CACNA1A: variants seen among roughly 807,000 people sequenced by gnomAD.
The protein encoded by CACNA1A is calcium voltage-gated channel subunit alpha1 A.
CACNA1A carries 57 observed loss-of-function variants against 262.4 expected under a neutral mutation model. The observed-to-expected ratio is 0.22, with a 90% CI of 0.18 to 0.27. CACNA1A has a LOEUF of 0.27. CACNA1A is among the 10% of genes least tolerant of loss of function. The pLI, the probability that CACNA1A is intolerant of heterozygous loss-of-function variation, is 1.00. For synonymous variants in CACNA1A, 1,431 were observed against 1,419.3 expected, an observed-to-expected ratio of 1.01 and a Z score of -0.18; for missense variants, 2,526 against 3,562.8, an observed-to-expected ratio of 0.71 and a Z score of 7.41.
At chr19:13,318,105 A>C (rs67467753) in intron 10 of CACNA1A, among the ~76,000 whole-genome samples, 23,143 of 151,510 alleles carry the variant, frequency 0.15, 1,822 homozygotes, top group East Asian at 0.29. Flanking sequence ...CAACACAGCG[A>C]GACAAGTTCT....
intron 1 of CACNA1A, among the ~76,000 whole-genome samples, chr19:13,499,446 G>GT (rs1491394000): frequency 2.6e-5 from 3 of 116,734 alleles, no homozygotes; most frequent in Non-Finnish European, 5.1e-5. Context: ...GTCGCAGGGG[G>GT]TGGTGGGGGG....
intron 4 of CACNA1A, among the ~76,000 whole-genome samples, chr19:13,368,338 C>CTTTTT (rs796514314): frequency 7.1e-6 from 1 of 140,658 alleles, no homozygotes; most frequent in African/African-American, 2.6e-5. Context: ...CTATCATTGG[C>CTTTTT]TTTTTTTTTT....
chr19:13,281,165 G>A (rs959767417), intron 22 of CACNA1A, among the ~76,000 whole-genome samples: 3 of 151,824 alleles, frequency 2.0e-5, no homozygotes, highest in African/African-American at 7.3e-5. Flanking sequence ...AGGATTGCTT[G>A]AGGTCAAGAG....
chr19:13,375,779 C>A (rs1478360413), intron 3 of CACNA1A, among the ~76,000 whole-genome samples: 2 of 151,908 alleles, frequency 1.3e-5, no homozygotes, highest in South Asian at 4.1e-4. Context: ...CGGAGTGAGA[C>A]CCTGTCTCAA....
At chr19:13,503,669 A>G (rs1286345993) in intron 1 of CACNA1A, among the ~76,000 whole-genome samples, 1 of 128,836 alleles carries the variant, frequency 7.8e-6, no homozygotes, top group African/African-American at 2.9e-5. Flanking sequence ...TCCATCCAGG[A>G]CAGAGAAAGC....
chr19:13,368,464 G>A (rs1332488891), intron 4 of CACNA1A, among the ~76,000 whole-genome samples: 1 of 151,868 alleles, frequency 6.6e-6, no homozygotes, highest in East Asian at 1.9e-4. Flanking sequence ...TCCCGAGTAG[G>A]TGGGACTACA....
Position 13,277,099 on chromosome 19 carries a change from T to C in CACNA1A, c.3852A>G (p.Thr1284=). ...TCACCATCTCAAAGGTAAAGACGCC[T>C]GTAAAAACGTAGTCAAAGTATCGCA... ...NVLRYFDYVF[T]GVFTFEMVIK... Residue 1284 remains threonine, a synonymous_variant, in exon 23 of 47, where the codon ACA becomes ACG. Coordinates refer to ENST00000360228, the MANE Select transcript of CACNA1A (RefSeq NM_001127222.2). 2 of 1,612,316 alleles carry C rather than the reference T, an allele frequency of 1.2e-6. No homozygotes were observed. The highest frequency in any genetic ancestry group is 1.7e-6 in the Non-Finnish European group (2 of 1,178,468).
chr19:13,242,904 A>G (rs912991610), intron 31 of CACNA1A, among the ~76,000 whole-genome samples: 3 of 152,192 alleles, frequency 2.0e-5, no homozygotes, highest in African/African-American at 7.2e-5. Context: ...CTGTTTGGCT[A>G]CTGCAAGGGT....
intron 1 of CACNA1A, among the ~76,000 whole-genome samples, chr19:13,493,471 C>T (rs1357607021): frequency 2.0e-5 from 3 of 152,262 alleles, no homozygotes; most frequent in Non-Finnish European, 4.4e-5. Context: ...CGTCTCCAGA[C>T]ATTGCCAAAA....
chr19:13,383,824 A>G (rs2059562082), intron 3 of CACNA1A, among the ~76,000 whole-genome samples: 1 of 151,840 alleles, frequency 6.6e-6, no homozygotes, highest in South Asian at 2.1e-4. Context: ...TTGTTTATTT[A>G]TTTATTTTTA....
intron 1 of CACNA1A, among the ~76,000 whole-genome samples, chr19:13,483,601 A>G (rs2145093702): frequency 6.6e-6 from 1 of 152,248 alleles, no homozygotes; most frequent in Middle Eastern, 3.4e-3. Flanking sequence ...AGAGAGAAGA[A>G]TCTCTCTCTG....
intron 10 of CACNA1A, among the ~76,000 whole-genome samples, chr19:13,325,325 C>T (rs990747482): frequency 3.3e-5 from 5 of 152,090 alleles, no homozygotes; most frequent in Admixed American, 1.3e-4. Flanking sequence ...ATAGCGAGAC[C>T]GTGTCTCTAT....
rs1391437893 is a variant in CACNA1A, at chr19:13,214,516, C to T, written c.5824G>A (p.Val1942Ile). 2 of 1,613,364 alleles carry T rather than the reference C, an allele frequency of 1.2e-6. No homozygotes were observed. Among genetic ancestry groups the T allele is most frequent in the East Asian group, 2.2e-5 (1 of 44,896 alleles). Reference protein sequence around the residue: ...NLSQKTLDLLVTPHKSTDLTV... With the variant: ...NLSQKTLDLLITPHKSTDLTV... ...CAGCTCTTACACTTGTGAGGTGTGACCAGCAGGTCTAGCGTCTTCTGGGAC... is the reference window on the plus strand; with the variant it reads ...CAGCTCTTACACTTGTGAGGTGTGATCAGCAGGTCTAGCGTCTTCTGGGAC... Residue 1942 changes from valine to isoleucine, a missense_variant, in exon 39 of 47, where the codon GTC becomes ATC. Physicochemically the swap from Val to Ile is conservative, Grantham distance 29. Around this residue, in one of 17 missense-constraint regions of CACNA1A, gnomAD observed 112 missense variants for 197.2 expected, o/e 0.57. Transcript: ENST00000360228. This position sits in a 1 kb window ranked among gnomAD's most constrained non-coding sequence, Gnocchi z 4.1.
chr19:13,227,567 A>G (rs1223612535), intron 36 of CACNA1A, 40 bp from the exon 37 acceptor site: 8 of 1,286,644 alleles, frequency 6.2e-6, no homozygotes, highest in East Asian at 2.4e-5. Flanking sequence ...AACAAAAACA[A>G]AAAAACAAAA....
chr19:13,383,577 C>T (rs185333075), intron 3 of CACNA1A, among the ~76,000 whole-genome samples: 1 of 152,156 alleles, frequency 6.6e-6, no homozygotes, highest in East Asian at 1.9e-4. Flanking sequence ...CTGGCCACTC[C>T]GACTTCCTTT....
Position 13,209,350 on chromosome 19 carries a change from G to C in CACNA1A, c.6488C>G (p.Ser2163Cys), listed in dbSNP as rs927014998. ...GGTGTAGCGGCCCAGGGAGCGCTCA[G>C]AGGCGCGGTGGCTGCGGTCGCGGCG... is the stretch of plus-strand genomic sequence containing the variant. ...QRRRDRSHRA[S>C]ERSLGRYTDV... The change falls in exon 45 of 47, where the codon TCT becomes TGT. Residue 2163 changes from serine to cysteine, a missense_variant. By Grantham distance (112) the Ser-to-Cys change is moderately radical. Transcript: ENST00000360228. 1 of 1,389,758 alleles carries C rather than the reference G, an allele frequency of 7.2e-7. No individual in the cohort carries two copies. The highest frequency in any genetic ancestry group is 3.4e-5 in the Admixed American group (1 of 29,780). The allele number at this position is 1,389,758 out of a possible 1,614,324, so 86.1% of individuals were successfully genotyped here. A position where few individuals can be genotyped will look rare whatever the true frequency, so the allele number is the denominator to read the frequency against.
chr19:13,352,082 T>G lies in CACNA1A; in HGVS notation c.978+7524A>C, dbSNP rs144358260. 3.0e-4 allele frequency among the ~76,000 whole-genome samples: 45 copies of G among 152,302 alleles called. No homozygotes were observed. In the East Asian group the frequency reaches 8.5e-3, roughly 29 times the overall value. On this transcript the variant is annotated intron_variant, in intron 6 of 46. Transcript: ENST00000360228. ...TTCTCCTCCCTTTCTCCCTGCCTCCTGGTCTAGGAATGACCCGAGACCTTC... is the reference window on the plus strand; with the variant it reads ...TTCTCCTCCCTTTCTCCCTGCCTCCGGGTCTAGGAATGACCCGAGACCTTC...
intron 3 of CACNA1A, among the ~76,000 whole-genome samples, chr19:13,399,969 T>C (rs2059871548): frequency 6.6e-6 from 1 of 151,916 alleles, no homozygotes; most frequent in Admixed American, 6.6e-5. Flanking sequence ...TAATCAATCT[T>C]TCTGAGCCTC....
chr19:13,308,264 G>A lies in CACNA1A; in HGVS notation c.1782-13C>T. The A allele has an allele frequency of 6.2e-7, 1 of 1,608,938 alleles. No homozygotes were observed. On this transcript the variant is annotated splice_polypyrimidine_tract_variant and intron_variant, in intron 13 of 46. Coordinates refer to ENST00000360228, the MANE Select transcript of CACNA1A (RefSeq NM_001127222.2). The surrounding 1 kb of genome is among the most constrained non-coding windows in gnomAD (Gnocchi z 4.2). ...AGATGCCCAGTACCTGCCGACAGAG[G>A]CCAGGCGAGGACTCAGGCCAGGCGG...
Sources: gnomAD v4.1 joint callset for allele counts (sites outside exome capture counted in the v4.1 genomes callset) on GRCh38, gnomAD v4.1.1 for gene constraint, gnomAD v4.1.1 regional missense constraint, Gnocchi (gnomAD v3.1) non-coding constraint, MANE v1.5 for transcripts, NCBI Gene and HGNC (gene_info 2026-07-23, HGNC 2026-07-21) for gene names.